SLC2A13: variants seen among roughly 807,000 people sequenced by gnomAD.
The protein encoded by SLC2A13 is solute carrier family 2 member 13.
Under a neutral mutation model 64.4 loss-of-function variants are expected in SLC2A13, and 32 were observed. The ratio of observed to expected loss-of-function variants is 0.50; its 90% CI spans 0.37 to 0.67. SLC2A13 has a LOEUF of 0.67. Ranked by LOEUF, SLC2A13 falls within the 30% of genes least tolerant of loss-of-function variation. SLC2A13 has a pLI of 0.00. For synonymous variants in SLC2A13, 338 were observed against 327.1 expected, an observed-to-expected ratio of 1.03 and a Z score of -0.36; for missense variants, 743 against 829.2, an observed-to-expected ratio of 0.90 and a Z score of 1.28.
intron 4 of SLC2A13, among the ~76,000 whole-genome samples, chr12:39,882,452 C>G (rs1463115838): frequency 6.6e-6 from 1 of 152,194 alleles, no homozygotes; most frequent in Admixed American, 6.6e-5. Context: ...CTACCTATAT[C>G]CAGTTATTCT....
chr12:39,841,450 G>A (rs1270667297), intron 6 of SLC2A13, among the ~76,000 whole-genome samples: 1 of 151,974 alleles, frequency 6.6e-6, no homozygotes, highest in African/African-American at 2.4e-5. Context: ...AACTCCAGTG[G>A]GGGTTAAGTG....
At chr12:40,062,618 G>C (rs1948440797) in intron 1 of SLC2A13, among the ~76,000 whole-genome samples, 1 of 151,980 alleles carries the variant, frequency 6.6e-6, no homozygotes, top group South Asian at 2.1e-4. Flanking sequence ...TTACTGCATT[G>C]TATAAGCTTC....
At chr12:39,955,604 A>C (rs1000004098) in intron 3 of SLC2A13, among the ~76,000 whole-genome samples, 1 of 152,146 alleles carries the variant, frequency 6.6e-6, no homozygotes, top group Non-Finnish European at 1.5e-5. Context: ...TCACATCCTA[A>C]TCCCTGAAAC....
At chr12:39,951,512 A>G (rs1946230090) in intron 3 of SLC2A13, 147 bp from the exon 4 acceptor site, 2 of 566,848 alleles carry the variant, frequency 3.5e-6, no homozygotes, top group Non-Finnish European at 5.9e-6. Flanking sequence ...TTTTACAGAA[A>G]TCTGGGTACA....
chr12:39,989,851 C>T (rs2136164858), intron 3 of SLC2A13, among the ~76,000 whole-genome samples: 1 of 152,274 alleles, frequency 6.6e-6, no homozygotes, highest in East Asian at 1.9e-4. Flanking sequence ...ATTGCCACTG[C>T]TGTCAGGAAA....
In SLC2A13 at chr12:39,951,309, C is replaced by A. The variant is rs748960640; in HGVS notation, c.982G>T (p.Val328Leu). 55 of 1,611,846 alleles carry A rather than the reference C, an allele frequency of 3.4e-5. No homozygotes were observed. The African/African-American group carries it at 5.9e-4, about 17-fold the overall frequency. ...TGGAACATTTGTAGGCCACAACCCA[C>A]AATTAAAGCTCGGCGAGTTGGGGGA... ...SYPPTRRALI[V>L]GCGLQMFQQL... The change falls in exon 4 of 10, where the codon GTG (valine) becomes TTG (leucine). Residue 328 changes from valine (V) to leucine (L), a missense_variant. Coordinates refer to ENST00000280871, the MANE Select transcript of SLC2A13 (RefSeq NM_052885.4).
chr12:39,788,960 C>T (rs1221778057), intron 7 of SLC2A13, among the ~76,000 whole-genome samples: 3 of 151,900 alleles, frequency 2.0e-5, no homozygotes, highest in Non-Finnish European at 2.9e-5. Flanking sequence ...TGTGTGTGTG[C>T]GCAAACAAAA....
At chr12:40,092,709 G>A (rs17461110) in intron 1 of SLC2A13, among the ~76,000 whole-genome samples, 1 of 152,272 alleles carries the variant, frequency 6.6e-6, no homozygotes, top group East Asian at 1.9e-4. Flanking sequence ...GAGAATAAGA[G>A]GAGATTTCAA....
At chr12:39,889,027 C>A (rs1438717177) in intron 4 of SLC2A13, among the ~76,000 whole-genome samples, 2 of 151,998 alleles carry the variant, frequency 1.3e-5, no homozygotes, top group Non-Finnish European at 2.9e-5. Context: ...CCAAATTGAG[C>A]AATATAACTT....
chr12:39,887,459 C>G (rs1944496342), intron 4 of SLC2A13, among the ~76,000 whole-genome samples: 1 of 151,928 alleles, frequency 6.6e-6, no homozygotes, highest in South Asian at 2.1e-4. Flanking sequence ...AGCAGGCTTA[C>G]AGTGGAATGT....
intron 7 of SLC2A13, among the ~76,000 whole-genome samples, chr12:39,779,122 G>T (rs972821737): frequency 2.6e-5 from 4 of 152,190 alleles, no homozygotes; most frequent in African/African-American, 9.7e-5. Flanking sequence ...GTGGCTACTA[G>T]CCCCTGAGCT....
intron 4 of SLC2A13, among the ~76,000 whole-genome samples, chr12:39,925,571 T>G (rs1013103134): frequency 6.6e-6 from 1 of 152,170 alleles, no homozygotes; most frequent in African/African-American, 2.4e-5. Flanking sequence ...TATCAAATAA[T>G]TAACTTTTTT....
chr12:39,925,788 C>A (rs968602564), intron 4 of SLC2A13, among the ~76,000 whole-genome samples: 1 of 152,130 alleles, frequency 6.6e-6, no homozygotes, highest in Non-Finnish European at 1.5e-5. Flanking sequence ...CTATATCTGT[C>A]TATATACTGA....
At chr12:39,967,060 T>G (rs564136330) in intron 3 of SLC2A13, among the ~76,000 whole-genome samples, 2 of 152,304 alleles carry the variant, frequency 1.3e-5, no homozygotes, top group South Asian at 4.1e-4. Context: ...GGAGTCAGGA[T>G]GTGTCTATTT....
chr12:39,901,289 C>T (rs994996117), intron 4 of SLC2A13, among the ~76,000 whole-genome samples: 9 of 152,174 alleles, frequency 5.9e-5, no homozygotes, highest in East Asian at 1.9e-4. Flanking sequence ...GGGCAAGGAC[C>T]TCATGTCTAA....
intron 3 of SLC2A13, among the ~76,000 whole-genome samples, chr12:39,995,508 TAA>T (rs569997446): frequency 5.2e-4 from 79 of 152,332 alleles, no homozygotes; most frequent in African/African-American, 1.8e-3. Flanking sequence ...GCATGTCACT[TAA>T]AGAGATTTTG....
Position 40,105,564 on chromosome 12 carries a change from T to G in SLC2A13, c.245A>C (p.Tyr82Ser). Reference protein sequence around the residue: ...FQQDETPAFVYVVAVFSALGG... With the variant: ...FQQDETPAFVSVVAVFSALGG... ...CAGCGCGGAGAAGACGGCCACCACGTACACGAAGGCGGGGGTCTCGTCCTG... is the reference window on the plus strand; with the variant it reads ...CAGCGCGGAGAAGACGGCCACCACGGACACGAAGGCGGGGGTCTCGTCCTG... Residue 82 changes from tyrosine to serine, a missense_variant, in exon 1 of 10, where the codon TAC (tyrosine) becomes TCC (serine). Physicochemically the swap from Tyr to Ser is moderately radical, Grantham distance 144 (BLOSUM62 -2). Transcript: ENST00000280871. This position sits in a 1 kb window ranked among gnomAD's most constrained non-coding sequence, Gnocchi z 4.2. 6.4e-7 allele frequency: 1 copy of G among 1,574,728 alleles called. No individual in the cohort carries two copies. The highest frequency in any genetic ancestry group is 8.6e-7 in the Non-Finnish European group (1 of 1,163,244).
intron 4 of SLC2A13, among the ~76,000 whole-genome samples, chr12:39,923,690 G>GCACA (rs1195057830): frequency 2.7e-5 from 1 of 36,440 alleles, no homozygotes; most frequent in African/African-American, 5.5e-5. Flanking sequence ...ATATATATGC[G>GCACA]CACGCGCACA....
At chr12:39,978,415 G>C (rs923529723) in intron 3 of SLC2A13, among the ~76,000 whole-genome samples, 3 of 152,234 alleles carry the variant, frequency 2.0e-5, no homozygotes, top group African/African-American at 7.2e-5. Context: ...GAGGTACCGA[G>C]TTCATCACAC....
Sources: gnomAD v4.1 joint callset for allele counts (sites outside exome capture counted in the v4.1 genomes callset) on GRCh38, gnomAD v4.1.1 for gene constraint, Gnocchi (gnomAD v3.1) non-coding constraint, MANE v1.5 for transcripts, NCBI Gene and HGNC (gene_info 2026-07-23, HGNC 2026-07-21) for gene names.